Variants in ROBO2 observed in about 807,000 individuals in gnomAD.
The protein encoded by ROBO2 is roundabout guidance receptor 2, also known as roundabout homolog 2.
Under a neutral mutation model 160.8 loss-of-function variants are expected in ROBO2, and 53 were observed. That is an observed-to-expected ratio of 0.33 (90% CI 0.26 to 0.41). The LOEUF (loss-of-function observed/expected upper bound fraction) is 0.41. Among genes scored for constraint, ROBO2 ranks in the 10% least tolerant of loss-of-function variants. The pLI, the probability that ROBO2 is intolerant of heterozygous loss-of-function variation, is 1.00. For synonymous variants in ROBO2, 664 were observed against 611.7 expected (o/e 1.09, Z -1.26); for missense variants, 1,577 against 1,722.4 (o/e 0.92, Z 1.49).
At position 76,377,958 on chromosome 3, in the gene ROBO2, C is replaced by T. The variant is rs190345796; in HGVS notation, c.109+440356C>T. Reference sequence around the variant, plus strand: ...GAACACTAATGCATTGCTAGGAGCACGTGTGTGACTGAGTAGTTGACTTTA... The same window carrying T: ...GAACACTAATGCATTGCTAGGAGCATGTGTGTGACTGAGTAGTTGACTTTA... On this transcript the variant is annotated intron_variant, in intron 2 of 26. Coordinates refer to the ROBO2 transcript ENST00000487694. 6.6e-5 allele frequency among the ~76,000 whole-genome samples: 10 copies of T among 152,186 alleles called. No individual in the cohort carries two copies. The East Asian group carries it at 1.7e-3, about 27-fold the overall frequency.
intron 23 of ROBO2, chr3:77,630,113 ATAGTGT>A: frequency 6.6e-6 from 1 of 152,348 alleles, no homozygotes; most frequent in South Asian, 2.1e-4. Flanking sequence ...TCAGTGGTTA[ATAGTGT>A]TAGTGGCAAT....
intron 2 of ROBO2, among the ~76,000 whole-genome samples, chr3:77,099,165 G>A (rs1373518248): frequency 6.8e-6 from 1 of 147,184 alleles, no homozygotes; most frequent in African/African-American, 2.5e-5. Context: ...TCTGCCTCAC[G>A]GGCTTAAGCG....
chr3:77,202,966 T>C (rs1238134616), intron 2 of ROBO2, among the ~76,000 whole-genome samples: 3 of 152,204 alleles, frequency 2.0e-5, no homozygotes, highest in Non-Finnish European at 1.5e-5. Context: ...CAGTGTATTT[T>C]AGCATGTAGG....
At chr3:76,310,574 C>T (rs539350094) in intron 2 of ROBO2, among the ~76,000 whole-genome samples, 1 of 152,218 alleles carries the variant, frequency 6.6e-6, no homozygotes, top group East Asian at 1.9e-4. Context: ...ATCATTAGTG[C>T]CGATGCAATC....
chr3:76,804,249 C>G (rs922650112), intron 2 of ROBO2, among the ~76,000 whole-genome samples: 1 of 152,100 alleles, frequency 6.6e-6, no homozygotes, highest in Non-Finnish European at 1.5e-5. Flanking sequence ...GGAACCTTCT[C>G]TGAGAGATAG....
At chr3:76,693,320 T>C (rs1046668321) in intron 2 of ROBO2, among the ~76,000 whole-genome samples, 3 of 150,668 alleles carry the variant, frequency 2.0e-5, no homozygotes, top group African/African-American at 7.3e-5. Context: ...ATATATATAG[T>C]GTACATACAC....
At chr3:76,700,968 T>C (rs1052451884) in intron 2 of ROBO2, among the ~76,000 whole-genome samples, 3 of 152,112 alleles carry the variant, frequency 2.0e-5, no homozygotes, top group East Asian at 3.9e-4. Context: ...TTAATTACTA[T>C]ACACCAGAAA....
rs187552862 is a variant in ROBO2 at position 75,907,887 on chromosome 3, G to A, written c.-14+927G>A. 4.2e-3 allele frequency among the ~76,000 whole-genome samples: 618 copies of A among 148,712 alleles called. 9 individuals are homozygous for A. The highest frequency in any genetic ancestry group is 0.015 in the Admixed American group (215 of 14,790). ...TGTGTGTGTGTGTGTGTGTGTATCA[G>A]AGAGACAAAATTCCTTGGAGGTATT... On this transcript the variant is annotated intron_variant, in intron 1 of 26. Transcript: ENST00000487694.
intron 2 of ROBO2, among the ~76,000 whole-genome samples, chr3:76,423,954 G>T (rs1051353692): frequency 6.6e-6 from 1 of 152,186 alleles, no homozygotes; most frequent in Non-Finnish European, 1.5e-5. Context: ...ACTTTGGTGT[G>T]ATGAAGACAA....
chr3:76,281,416 C>G (rs1052583274), intron 2 of ROBO2, among the ~76,000 whole-genome samples: 1 of 151,946 alleles, frequency 6.6e-6, no homozygotes, highest in Admixed American at 6.6e-5. Flanking sequence ...TATCTCTTTT[C>G]CATCAATTTG....
intron 1 of ROBO2, among the ~76,000 whole-genome samples, chr3:77,082,693 A>G (rs1306489953): frequency 6.8e-6 from 1 of 147,776 alleles, no homozygotes; most frequent in African/African-American, 2.7e-5. Flanking sequence ...CAAATGCTAC[A>G]TAGTAACATT....
At chr3:76,540,856 G>T (rs965338013) in intron 2 of ROBO2, among the ~76,000 whole-genome samples, 5 of 152,042 alleles carry the variant, frequency 3.3e-5, no homozygotes, top group Admixed American at 6.6e-5. Flanking sequence ...CTGGAGTGCA[G>T]TGGTGAGATC....
intron 2 of ROBO2, among the ~76,000 whole-genome samples, chr3:76,734,364 A>G (rs1441374920): frequency 2.0e-5 from 3 of 152,208 alleles, no homozygotes; most frequent in Non-Finnish European, 4.4e-5. Context: ...GACAACGGGT[A>G]TAAACTGAGA....
intron 9 of ROBO2, among the ~76,000 whole-genome samples, chr3:77,561,961 G>A (rs1394902786): frequency 6.6e-6 from 1 of 151,954 alleles, no homozygotes; most frequent in Non-Finnish European, 1.5e-5. Flanking sequence ...ATGTTAGTCA[G>A]GCATGGTGGC....
chr3:76,145,202 G>A (rs984817927), intron 2 of ROBO2, among the ~76,000 whole-genome samples: 4 of 151,948 alleles, frequency 2.6e-5, no homozygotes, highest in South Asian at 2.1e-4. Flanking sequence ...TTCTAACCTT[G>A]GAATCTGACT....
intron 5 of ROBO2, among the ~76,000 whole-genome samples, chr3:77,504,809 A>G (rs146520429): frequency 1.6e-4 from 25 of 152,362 alleles, no homozygotes; most frequent in African/African-American, 5.0e-4. Context: ...ACATTATTAA[A>G]TAAGGTGAAC....
chr3:77,042,951 A>C (rs1438549661), intron 1 of ROBO2, among the ~76,000 whole-genome samples: 2 of 152,192 alleles, frequency 1.3e-5, no homozygotes, highest in African/African-American at 4.8e-5. Context: ...GTGTGAAACT[A>C]GTTTTGTATT....
intron 2 of ROBO2, among the ~76,000 whole-genome samples, chr3:76,809,924 A>C (rs2065030717): frequency 1.3e-5 from 2 of 152,236 alleles, no homozygotes; most frequent in African/African-American, 4.8e-5. Flanking sequence ...GAGAAGGTAA[A>C]AAAAACTAGA....
chr3:77,297,820 G>A (rs536768089), intron 2 of ROBO2, among the ~76,000 whole-genome samples: 1 of 152,266 alleles, frequency 6.6e-6, no homozygotes, highest in South Asian at 2.1e-4. Flanking sequence ...ATGTGGAATA[G>A]AAAGGGAAGG....
Sources: gnomAD v4.1 joint callset for allele counts (sites outside exome capture counted in the v4.1 genomes callset) on GRCh38, gnomAD v4.1.1 for gene constraint, MANE v1.5 for transcripts, NCBI Gene and HGNC (gene_info 2026-07-23, HGNC 2026-07-21) for gene names.